The following SNTG1 variants were observed in gnomAD, a reference collection of about 807,000 sequenced individuals.
The protein encoded by SNTG1 is gamma-1-syntrophin.
A neutral mutation model predicts 74.7 loss-of-function variants in SNTG1; 39 were observed. The ratio of observed to expected loss-of-function variants is 0.52; its 90% CI spans 0.40 to 0.68. SNTG1 has a LOEUF of 0.68. Among genes scored for constraint, SNTG1 ranks in the 30% least tolerant of loss-of-function variants. The pLI is 0.00. For missense variants in SNTG1, 685 were observed against 609.5 expected (o/e 1.12, Z -1.30); for synonymous variants, 254 against 217.1 (o/e 1.17, Z -1.49).
At chr8:49,934,059 A>G (rs1004398930) in intron 1 of SNTG1, among the ~76,000 whole-genome samples, 1 of 152,240 alleles carries the variant, frequency 6.6e-6, no homozygotes, top group Non-Finnish European at 1.5e-5. Context: ...GTGAATAAAT[A>G]GTACAATCTG....
At position 50,021,938 on chromosome 8, in the gene SNTG1, CAA is replaced by C. The variant is rs776073608; in HGVS notation, c.-103+109716_-103+109717del. On this transcript the variant is annotated intron_variant, in intron 1 of 18. Transcript: ENST00000642720. ...CCTGGGTGACACAGTGAGACCCTCT[CAA>C]AAAAAAAATAAAAATAAAAATAAAA... is the stretch of plus-strand genomic sequence containing the variant. Among the ~76,000 whole-genome samples, 473 of 119,608 alleles carry C rather than the reference CAA, an allele frequency of 4.0e-3. 3 individuals carry two copies. Among genetic ancestry groups the C allele is most frequent in the East Asian group, 7.9e-3 (31 of 3,948 alleles). 78.5% of individuals were successfully genotyped at this position (119,608 alleles called of 152,430 possible). A position where few individuals can be genotyped will look rare whatever the true frequency, so the allele number is the denominator to read the frequency against.
At chr8:49,922,066 T>C (rs1210070877) in intron 1 of SNTG1, among the ~76,000 whole-genome samples, 2 of 152,098 alleles carry the variant, frequency 1.3e-5, no homozygotes, top group Non-Finnish European at 2.9e-5. Flanking sequence ...TTTTGGAGCA[T>C]GAAGAATGCA....
In SNTG1 at chr8:50,104,269, T is replaced by C. The variant is rs1438181401; in HGVS notation, c.-102-68292T>C. On this transcript the variant is annotated intron_variant, in intron 1 of 18. Coordinates refer to ENST00000642720, the MANE Select transcript of SNTG1 (RefSeq NM_018967.5). ...TTATTAGTCTATTCAGAGATTCAAC[T>C]TCTTCCTGGTTTAGTCTTGGGAGGG... 5.8e-4 allele frequency among the ~76,000 whole-genome samples: 88 copies of C among 152,186 alleles called. 1 individual carries two copies. The highest frequency in any genetic ancestry group is 2.2e-4 in the Non-Finnish European group (15 of 68,032).
intron 2 of SNTG1, among the ~76,000 whole-genome samples, chr8:50,330,164 C>T (rs28817635): frequency 6.6e-6 from 1 of 152,154 alleles, no homozygotes; most frequent in Non-Finnish European, 1.5e-5. Flanking sequence ...TACCCTCATG[C>T]TGTTCCTGTG....
intron 2 of SNTG1, among the ~76,000 whole-genome samples, chr8:50,187,696 A>T (rs918066629): frequency 6.6e-6 from 1 of 152,198 alleles, no homozygotes; most frequent in Non-Finnish European, 1.5e-5. Context: ...GATGAGGTCC[A>T]TGGTCAGAAA....
chr8:50,370,622 A>G (rs2092245230), intron 2 of SNTG1, among the ~76,000 whole-genome samples: 3 of 152,190 alleles, frequency 2.0e-5, no homozygotes, highest in Admixed American at 1.3e-4. Flanking sequence ...ACATTGCCTG[A>G]AAAACCTATA....
chr8:50,175,457 T>C (rs2082962906), intron 2 of SNTG1, among the ~76,000 whole-genome samples: 1 of 152,308 alleles, frequency 6.6e-6, no homozygotes, highest in Non-Finnish European at 1.5e-5. Context: ...AAGAATCAAT[T>C]GAAGGGGACA....
chr8:50,201,607 C>A (rs1030825366), intron 2 of SNTG1, among the ~76,000 whole-genome samples: 2 of 152,102 alleles, frequency 1.3e-5, no homozygotes, highest in Non-Finnish European at 2.9e-5. Context: ...TTAGCCATTT[C>A]TCTAAGGAGC....
intron 2 of SNTG1, among the ~76,000 whole-genome samples, chr8:50,239,501 A>G (rs2086073170): frequency 2.6e-5 from 4 of 152,154 alleles, no homozygotes; most frequent in African/African-American, 9.7e-5. Flanking sequence ...GAATTCATTT[A>G]CTGTCCATGA....
At chr8:50,763,360 T>C (rs913782530) in intron 18 of SNTG1, among the ~76,000 whole-genome samples, 2 of 151,932 alleles carry the variant, frequency 1.3e-5, no homozygotes, top group Non-Finnish European at 2.9e-5. Flanking sequence ...TGGGGATTTA[T>C]CTTTCTAGAG....
At chr8:50,470,216 C>A (rs570833301) in intron 8 of SNTG1, among the ~76,000 whole-genome samples, 3 of 152,120 alleles carry the variant, frequency 2.0e-5, no homozygotes, top group Non-Finnish European at 4.4e-5. Flanking sequence ...AAAGTTTAGC[C>A]GAACCTAATA....
intron 2 of SNTG1, among the ~76,000 whole-genome samples, chr8:50,179,610 A>C (rs1208090708): frequency 6.6e-6 from 1 of 152,204 alleles, no homozygotes; most frequent in African/African-American, 2.4e-5. Flanking sequence ...ATCTAATTAA[A>C]AAAGGGCAAA....
Position 50,438,534 on chromosome 8 carries a change from G to T in SNTG1, c.163-9G>T. On this transcript the variant is annotated splice_polypyrimidine_tract_variant and intron_variant, in intron 4 of 18. Transcript: ENST00000642720. ...AACACTAACCATTCTTAAAAATCCT[G>T]TCTTTCAGGAAAGAACGGTGACCAT... 1 of 1,612,024 alleles carries T rather than the reference G, an allele frequency of 6.2e-7. No homozygotes were observed. Among genetic ancestry groups the T allele is most frequent in the Non-Finnish European group, 8.5e-7 (1 of 1,178,618 alleles).
intron 12 of SNTG1, among the ~76,000 whole-genome samples, chr8:50,573,278 A>G (rs2094558931): frequency 6.6e-6 from 1 of 152,134 alleles, no homozygotes; most frequent in South Asian, 2.1e-4. Flanking sequence ...GCTAAAAGTT[A>G]ATAAACAAAA....
At chr8:49,935,552 A>C (rs897040086) in intron 1 of SNTG1, among the ~76,000 whole-genome samples, 1 of 151,952 alleles carries the variant, frequency 6.6e-6, no homozygotes, top group African/African-American at 2.4e-5. Flanking sequence ...AAAAGAAAAA[A>C]AAATCATGCA....
At chr8:50,451,317 T>C (rs2093455017) in intron 8 of SNTG1, among the ~76,000 whole-genome samples, 2 of 152,226 alleles carry the variant, frequency 1.3e-5, no homozygotes, top group Non-Finnish European at 2.9e-5. Context: ...ATGCAAATAC[T>C]ACAACTTGTT....
intron 1 of SNTG1, among the ~76,000 whole-genome samples, chr8:50,018,473 T>C (rs1816536691): frequency 6.6e-6 from 1 of 152,000 alleles, no homozygotes; most frequent in Non-Finnish European, 1.5e-5. Flanking sequence ...CCTCACACCT[T>C]ACTCAAAAAT....
At chr8:50,348,820 T>A (rs1012707223) in intron 2 of SNTG1, among the ~76,000 whole-genome samples, 1 of 152,236 alleles carries the variant, frequency 6.6e-6, no homozygotes, top group African/African-American at 2.4e-5. Context: ...TGTATTTCCA[T>A]CATCATGTCT....
At chr8:50,054,956 C>T (rs1289741532) in intron 1 of SNTG1, among the ~76,000 whole-genome samples, 1 of 152,112 alleles carries the variant, frequency 6.6e-6, no homozygotes, top group African/African-American at 2.4e-5. Context: ...CCCACCTTGG[C>T]CTCTCAAGGC....
Sources: gnomAD v4.1 joint callset for allele counts (sites outside exome capture counted in the v4.1 genomes callset) on GRCh38, gnomAD v4.1.1 for gene constraint, MANE v1.5 for transcripts, NCBI Gene and HGNC (gene_info 2026-07-23, HGNC 2026-07-21) for gene names.